CMYA5: variants seen among roughly 807,000 people sequenced by gnomAD.
CMYA5 encodes the protein cardiomyopathy-associated protein 5.
CMYA5 carries 246 observed loss-of-function variants against 318.9 expected under a neutral mutation model. The ratio of observed to expected loss-of-function variants is 0.77; its 90% confidence interval spans 0.70 to 0.86. CMYA5 has a LOEUF of 0.86. Among genes scored for constraint, CMYA5 ranks in the 40% least tolerant of loss-of-function variants. The pLI, the probability that CMYA5 is intolerant of heterozygous loss-of-function variation, is 0.00. For synonymous variants in CMYA5, 1,641 were observed against 1,729.5 expected (o/e 0.95, Z 1.27); for missense variants, 4,589 against 4,678.2 (o/e 0.98, Z 0.56).
In CMYA5 at chr5:79,689,874, C is replaced by G. The variant is rs1417155309; in HGVS notation, c.-34C>G. On this transcript the variant is annotated 5_prime_UTR_variant, in exon 1 of 13. Coordinates refer to ENST00000446378, the MANE Select transcript of CMYA5 (RefSeq NM_153610.5). ...ACACCAGGCGCGGCGCGGGCGGCTCCGGCTCCGGCCCCGGCCCAGGCCCGG... is the reference window on the plus strand; with the variant it reads ...ACACCAGGCGCGGCGCGGGCGGCTCGGGCTCCGGCCCCGGCCCAGGCCCGG... The G allele has an allele frequency of 1.7e-5, 12 of 686,408 alleles. No individual in the cohort carries two copies. Among genetic ancestry groups the G allele is most frequent in the Non-Finnish European group, 2.9e-5 (11 of 385,502 alleles). 42.5% of individuals were successfully genotyped at this position (686,408 alleles called of 1,614,324 possible). A position where few individuals can be genotyped will look rare whatever the true frequency, so the allele number is the denominator to read the frequency against.
chr5:79,773,696 GTGAA>G (rs148088756), intron 9 of CMYA5, among the ~76,000 whole-genome samples: 8,343 of 152,080 alleles, frequency 0.055, 366 homozygotes, highest in East Asian at 0.25. Context: ...TCACGAATGA[GTGAA>G]TGAATGAATG....
chr5:79,789,297 C>T (rs544244688), intron 10 of CMYA5, among the ~76,000 whole-genome samples, 193 bp downstream of exon 10: 2 of 152,320 alleles, frequency 1.3e-5, no homozygotes, highest in African/African-American at 4.8e-5. Context: ...GGTTCTCAGC[C>T]TTGGCTACCT....
intron 2 of CMYA5, among the ~76,000 whole-genome samples, chr5:79,741,439 T>C (rs931333262): frequency 3.3e-5 from 5 of 152,212 alleles, no homozygotes; most frequent in Admixed American, 6.5e-5. Flanking sequence ...TAAATAATTA[T>C]CAGACTCATT....
rs1310837785 is a variant in CMYA5 at position 79,735,119 on chromosome 5, G to T, written c.6354G>T (p.Glu2118Asp). ...CAAAGGTTATTGATGATGCTGATGA[G>T]GGAAAGAAACCATCACCTGAAGTAA... is the stretch of plus-strand genomic sequence containing the variant. ...VQSKVIDDAD[E>D]GKKPSPEVKI... The change falls in exon 2 of 13, where the codon GAG (glutamate) becomes GAT (aspartate). Residue 2118 changes from glutamate (E) to aspartate (D), a missense_variant. Glu to Asp is a conservative substitution (Grantham distance 45). Coordinates refer to ENST00000446378, the MANE Select transcript of CMYA5 (RefSeq NM_153610.5). 6.2e-7 allele frequency: 1 copy of T among 1,613,718 alleles called. No homozygotes were observed. The highest frequency in any genetic ancestry group is 1.7e-5 in the Admixed American group (1 of 59,964).
rs769526775 is a variant in CMYA5 at position 79,735,315 on chromosome 5, A to C, written c.6550A>C (p.Ser2184Arg). Residue 2184 changes from serine to arginine, a missense_variant, in exon 2 of 13, where the codon AGC becomes CGC. By Grantham distance (110) the Ser-to-Arg change is moderately radical. Around this residue, in one of 3 missense-constraint regions of CMYA5, gnomAD observed 2,431 missense variants for 2,495.1 expected, o/e 0.97. Transcript: ENST00000446378. ...TTCATCTTTCAAATCGTGGATGTCC[A>C]GCTTGTTTTTTGGATCGAGCACTCC... ...GISSFKSWMS[S>R]LFFGSSTPDN... 6.2e-7 allele frequency: 1 copy of C among 1,613,876 alleles called. No homozygotes were observed. The highest frequency in any genetic ancestry group is 1.7e-5 in the Admixed American group (1 of 60,000).
intron 11 of CMYA5, 60 bp downstream of exon 11, chr5:79,791,129 G>A: frequency 8.2e-7 from 1 of 1,215,984 alleles, no homozygotes; most frequent in Non-Finnish European, 1.2e-6. Context: ...CTTAGGGTGT[G>A]TCGCCTCAGG....
rs778776760 is a variant in CMYA5 at position 79,738,651 on chromosome 5, G to T, written c.9886G>T (p.Glu3296Ter). Reference protein sequence around the residue: ...FGTICREKSLEEQKGVYGEGE... With the variant: ...FGTICREKSL ...AACTATTTGCAGGGAGAAGAGTCTG[G>T]AAGAACAGAAAGGTGTTTATGGGGA... Residue 3296 changes from glutamate (E) to a stop codon, truncating the protein, a stop_gained, in exon 2 of 13, where the codon GAA becomes TAA. Coordinates refer to ENST00000446378, the MANE Select transcript of CMYA5 (RefSeq NM_153610.5). LOFTEE classifies it high-confidence loss of function. 3 of 1,613,786 alleles carry T rather than the reference G, an allele frequency of 1.9e-6. No individual in the cohort carries two copies. Among genetic ancestry groups the T allele is most frequent in the Non-Finnish European group, 2.5e-6 (3 of 1,179,858 alleles).
At chr5:79,786,305 C>G (rs758817447) in intron 9 of CMYA5, among the ~76,000 whole-genome samples, 1 of 152,240 alleles carries the variant, frequency 6.6e-6, no homozygotes, top group Non-Finnish European at 1.5e-5. Flanking sequence ...CATCTCTTTC[C>G]ATTGCACTAT....
chr5:79,732,495 C>T lies in CMYA5; in HGVS notation c.3730C>T (p.Pro1244Ser). The change falls in exon 2 of 13, where the codon CCT becomes TCT. Residue 1244 changes from proline to serine, a missense_variant. Around this residue, in one of 3 missense-constraint regions of CMYA5, gnomAD observed 2,132 missense variants for 2,131.3 expected, o/e 1.00. Coordinates refer to ENST00000446378, the MANE Select transcript of CMYA5 (RefSeq NM_153610.5). ...GTCTGAGATGAAATATTCAGTTTTG[C>T]CTGACATGGTAGATGAGCCAAAGAA... is the stretch of plus-strand genomic sequence containing the variant. ...PESEMKYSVL[P>S]DMVDEPKKGV... 6.2e-7 allele frequency: 1 copy of T among 1,612,986 alleles called. No homozygotes were observed. Among genetic ancestry groups the T allele is most frequent in the Non-Finnish European group, 8.5e-7 (1 of 1,179,500 alleles).
chr5:79,729,032 A>C lies in CMYA5; in HGVS notation c.267A>C (p.Ser89=). 6.2e-7 allele frequency: 1 copy of C among 1,613,990 alleles called. No homozygotes were observed. Among genetic ancestry groups the C allele is most frequent in the Non-Finnish European group, 8.5e-7 (1 of 1,179,870 alleles). ...EDSGITWETN[S]SRSSTPWASE... ...GTGGGATAACCTGGGAAACCAATTC[A>C]AGTAGATCTTCTACTCCTTGGGCTT... Residue 89 remains serine, a synonymous_variant, in exon 2 of 13, where the codon TCA becomes TCC. Transcript: ENST00000446378.
rs1828102694 is a variant in CMYA5 at position 79,737,515 on chromosome 5, C to T, written c.8750C>T (p.Pro2917Leu). The change falls in exon 2 of 13, where the codon CCT becomes CTT. Residue 2917 changes from proline to leucine, a missense_variant. By Grantham distance (98) the Pro-to-Leu change is moderately conservative. Coordinates refer to ENST00000446378, the MANE Select transcript of CMYA5 (RefSeq NM_153610.5). ...MVSNKEMPKE[P>L]EDTYAKGEDF... ...TCTAATAAAGAAATGCCCAAGGAACCTGAAGACACATATGCAAAAGGTGAA... is the reference window on the plus strand; with the variant it reads ...TCTAATAAAGAAATGCCCAAGGAACTTGAAGACACATATGCAAAAGGTGAA... 2.5e-6 allele frequency: 4 copies of T among 1,613,490 alleles called. No homozygotes were observed. Among genetic ancestry groups the T allele is most frequent in the Non-Finnish European group, 3.4e-6 (4 of 1,179,738 alleles).
chr5:79,745,272 G>C lies in CMYA5; in HGVS notation c.10785G>C (p.Met3595Ile). 6.2e-7 allele frequency: 1 copy of C among 1,610,484 alleles called. No homozygotes were observed. Among genetic ancestry groups the C allele is most frequent in the Non-Finnish European group, 8.5e-7 (1 of 1,178,128 alleles). ...EKRLEEQNEE[M>I]MKKVLAQYDE... ...GGCTAGAAGAACAGAATGAGGAAAT[G>C]ATGAAGAAGGTTTTAGCACAGTATG... Residue 3595 changes from methionine to isoleucine, a missense_variant, in exon 4 of 13, where the codon ATG (methionine) becomes ATC (isoleucine). By Grantham distance (10) the Met-to-Ile change is conservative. Coordinates refer to ENST00000446378, the MANE Select transcript of CMYA5 (RefSeq NM_153610.5).
intron 1 of CMYA5, among the ~76,000 whole-genome samples, chr5:79,695,615 T>C (rs1417710288): frequency 6.6e-6 from 1 of 152,218 alleles, no homozygotes; most frequent in African/African-American, 2.4e-5. Flanking sequence ...AACTGCTGCA[T>C]TGGTAATAAA....
At chr5:79,748,605 C>T (rs540100721) in intron 5 of CMYA5, among the ~76,000 whole-genome samples, 8 of 152,208 alleles carry the variant, frequency 5.3e-5, no homozygotes, top group South Asian at 2.1e-4. Context: ...TGCAGTGGCA[C>T]GATCTTGGCT....
intron 1 of CMYA5, among the ~76,000 whole-genome samples, chr5:79,716,029 G>T (rs1008144688): frequency 6.6e-6 from 1 of 152,130 alleles, no homozygotes; most frequent in Admixed American, 6.5e-5. Flanking sequence ...ATTTCTCTTG[G>T]TCTGATTAGG....
chr5:79,735,263 TC>T lies in CMYA5; in HGVS notation c.6500del (p.Pro2167LeufsTer36). On this transcript the variant is annotated frameshift_variant, in exon 2 of 13. Coordinates refer to ENST00000446378, the MANE Select transcript of CMYA5 (RefSeq NM_153610.5). LOFTEE classifies it high-confidence loss of function. ...AACCAAAGGTGGCTAAGCCGGACCT[TC>T]CTGAGGAAAAGGGAAAGAAAGGAAT... is the stretch of plus-strand genomic sequence containing the variant. ...TQPKVAKPDLPEEKGKKGISS... is the reference protein window; with the variant it reads ...TQPKVAKPDLXEEKGKKGISS... 6.2e-7 allele frequency: 1 copy of T among 1,613,848 alleles called. No homozygotes were observed. The highest frequency in any genetic ancestry group is 1.7e-4 in the Middle Eastern group (1 of 6,060).
intron 9 of CMYA5, 98 bp from the exon 10 acceptor site, chr5:79,788,873 G>C (rs1829124997): frequency 3.3e-6 from 4 of 1,230,244 alleles, no homozygotes; most frequent in Non-Finnish European, 4.5e-6. Flanking sequence ...TAAGTTATTT[G>C]TTGCTAATAA....
Position 79,731,129 on chromosome 5 carries a change from T to C in CMYA5, c.2364T>C (p.Ser788=). 6.2e-7 allele frequency: 1 copy of C among 1,614,002 alleles called. No individual in the cohort carries two copies. The highest frequency in any genetic ancestry group is 1.1e-5 in the South Asian group (1 of 91,078). Residue 788 remains serine, a synonymous_variant, in exon 2 of 13, where the codon AGT becomes AGC. Transcript: ENST00000446378. ...VVPSEGEDLG[S]ERFTPDSKLI... is the part of the protein sequence containing the mutation. ...CATCAGAAGGAGAGGACCTAGGAAG[T>C]GAACGTTTCACACCGGATTCAAAGT...
chr5:79,695,217 T>A (rs1388780927), intron 1 of CMYA5, among the ~76,000 whole-genome samples: 1 of 152,220 alleles, frequency 6.6e-6, no homozygotes, highest in South Asian at 2.1e-4. Flanking sequence ...AAGAGACCAG[T>A]TGTGGCTGTA....
Sources: gnomAD v4.1 joint callset for allele counts (sites outside exome capture counted in the v4.1 genomes callset) on GRCh38, gnomAD v4.1.1 for gene constraint, gnomAD v4.1.1 regional missense constraint, MANE v1.5 for transcripts, NCBI Gene and HGNC (gene_info 2026-07-23, HGNC 2026-07-21) for gene names.